Variants in NRN1 observed in about 807,000 individuals in gnomAD.
NRN1 encodes neuritin 1, also known as neuritin.
A neutral mutation model predicts 15.0 loss-of-function variants in NRN1; 4 were observed. That is an observed-to-expected ratio of 0.27 (90% confidence interval 0.13 to 0.61). NRN1 has a LOEUF of 0.61. Ranked by LOEUF, NRN1 falls within the 20% of genes least tolerant of loss-of-function variation. The pLI is 0.87. For missense variants in NRN1, 134 were observed against 181.9 expected (o/e 0.74, Z 1.51); for synonymous variants, 85 against 79.8 (o/e 1.07, Z -0.35).
Position 6,002,378 on chromosome 6 carries a change from TGTC to T in NRN1, c.172_174del (p.Asp58del), listed in dbSNP as rs747908682. ...GTGCACACGGTCTTGATGTTCGTCT[TGTC>T]GTCCAGGCCCTGCGGGTAGTTGGCC... On this transcript the variant is annotated inframe_deletion, in exon 2 of 3. Transcript: ENST00000244766. 6.2e-7 allele frequency: 1 copy of T among 1,614,222 alleles called. No homozygotes were observed. The highest frequency in any genetic ancestry group is 8.5e-7 in the Non-Finnish European group (1 of 1,180,032).
At chr6:6,003,122 C>G (rs1758005285) in intron 1 of NRN1, 1 of 1,069,194 alleles carries the variant, frequency 9.4e-7, no homozygotes, top group East Asian at 3.2e-5. Flanking sequence ...TGGAAGCCAC[C>G]AGCAGTTACC....
chr6:6,005,460 A>C (rs1001332783), intron 1 of NRN1, among the ~76,000 whole-genome samples: 8 of 152,358 alleles, frequency 5.3e-5, no homozygotes, highest in African/African-American at 1.9e-4. Flanking sequence ...CTGCATTATA[A>C]AATCTCAAAA....
rs768743224 is a variant in NRN1, at chr6:5,999,028, G to C, written c.377C>G (p.Pro126Arg). The change falls in exon 3 of 3, where the codon CCG becomes CGG. Residue 126 changes from proline (P) to arginine (R), a missense_variant. Transcript: ENST00000244766. ...TGCCGAGAGAGACACCAGGAGCACC[G>C]GGAACGCCGGGAGCAGGGACCCCGC... ...GAAGSLLPAF[P>R]VLLVSLSAAL... 4 of 1,613,532 alleles carry C rather than the reference G, an allele frequency of 2.5e-6. No homozygotes were observed. The South Asian group carries it at 3.3e-5, about 13-fold the overall frequency.
At chr6:6,004,218 T>C (rs1758045592) in intron 1 of NRN1, among the ~76,000 whole-genome samples, 1 of 152,196 alleles carries the variant, frequency 6.6e-6, no homozygotes, top group Non-Finnish European at 1.5e-5. Flanking sequence ...ACAGCGAACA[T>C]TAAATACCCT....
intron 2 of NRN1, 31 bp downstream of exon 2, chr6:6,002,322 C>A: frequency 6.2e-7 from 1 of 1,610,488 alleles, no homozygotes; most frequent in Non-Finnish European, 8.5e-7. Context: ...CCCCCAAAAC[C>A]GAAGTCCAGC....
In NRN1 at chr6:5,999,058, C is replaced by T; in HGVS notation, c.347G>A (p.Gly116Glu). The change falls in exon 3 of 3, where the codon GGG becomes GAG. Residue 116 changes from glycine (G) to glutamate (E), a missense_variant. Gly to Glu is a moderately conservative substitution (Grantham distance 98, BLOSUM62 -2). Transcript: ENST00000244766. ...SLFELCGSGN[G>E]AAGSLLPAFP... ...CGCCGGGAGCAGGGACCCCGCCGCC[C>T]CGTTGCCGCTGCCGCAGAGTTCGAA... 6.2e-7 allele frequency: 1 copy of T among 1,614,074 alleles called. No homozygotes were observed. The highest frequency in any genetic ancestry group is 8.5e-7 in the Non-Finnish European group (1 of 1,179,996).
chr6:5,998,181 C>T lies in NRN1; in HGVS notation c.*795G>A, dbSNP rs959995979. 5.3e-5 allele frequency: 8 copies of T among 152,120 alleles called. No homozygotes were observed. The East Asian group carries it at 1.4e-3, about 26-fold the overall frequency. 9.4% of individuals were successfully genotyped at this position (152,120 alleles called of 1,614,324 possible). ...TTAGATTAACATTTAACATCCCCCCCTTGTGATCTATACCGTTGGATATTC... is the reference window on the plus strand; with the variant it reads ...TTAGATTAACATTTAACATCCCCCCTTTGTGATCTATACCGTTGGATATTC... On this transcript the variant is annotated 3_prime_UTR_variant, in exon 3 of 3. Coordinates refer to ENST00000244766, the MANE Select transcript of NRN1 (RefSeq NM_016588.3).
At chr6:6,003,671 A>G in intron 1 of NRN1, 2 of 1,230,016 alleles carry the variant, frequency 1.6e-6, no homozygotes, top group Non-Finnish European at 2.0e-6. Flanking sequence ...GGACGGCCAA[A>G]CCCCGAGGCG....
In NRN1 at chr6:5,999,164, T is replaced by C. The variant is rs745583659; in HGVS notation, c.241A>G (p.Thr81Ala). ...DFHSCTVTAL[T>A]DCQEGAKDMW... ...TCTTTCGCCCCTTCCTGGCAATCCG[T>C]AAGGGCTGTGACCGTGCAGCTGTGG... The change falls in exon 3 of 3, where the codon ACG (threonine) becomes GCG (alanine). Residue 81 changes from threonine to alanine, a missense_variant. Thr to Ala is a moderately conservative substitution (Grantham distance 58). Coordinates refer to ENST00000244766, the MANE Select transcript of NRN1 (RefSeq NM_016588.3). The C allele has an allele frequency of 1.5e-5, 24 of 1,614,022 alleles. No homozygotes were observed. In the South Asian group the frequency reaches 2.4e-4, roughly 16 times the overall value.
intron 2 of NRN1, among the ~76,000 whole-genome samples, chr6:6,001,348 T>C (rs1436383421): frequency 6.6e-6 from 1 of 152,130 alleles, no homozygotes; most frequent in Non-Finnish European, 1.5e-5. Flanking sequence ...GAAACAGTTA[T>C]TTTGGGGGTG....
At position 6,002,979 on chromosome 6, in the gene NRN1, T is replaced by A; in HGVS notation, c.56-482A>T. 7.5e-6 allele frequency: 3 copies of A among 399,502 alleles called. No individual in the cohort carries two copies. The East Asian group carries it at 1.1e-4, about 14-fold the overall frequency. 24.7% of individuals were successfully genotyped at this position (399,502 alleles called of 1,614,324 possible). A position where few individuals can be genotyped will look rare whatever the true frequency, so the allele number is the denominator to read the frequency against. On this transcript the variant is annotated intron_variant, in intron 1 of 2. Coordinates refer to ENST00000244766, the MANE Select transcript of NRN1 (RefSeq NM_016588.3). ...GCAGCGTGCGGGGGCGAGAACGGGG[T>A]GGGGAGACGACAGGGCGTGGGGTCA...
intron 1 of NRN1, among the ~76,000 whole-genome samples, chr6:6,006,455 A>G (rs1047872906): frequency 3.9e-5 from 6 of 152,248 alleles, no homozygotes; most frequent in African/African-American, 1.4e-4. Flanking sequence ...GGGGAAAAAA[A>G]CCGTGTCCAG....
In NRN1 at chr6:5,999,119, T is replaced by C; in HGVS notation, c.286A>G (p.Lys96Glu). 6.2e-7 allele frequency: 1 copy of C among 1,614,186 alleles called. No individual in the cohort carries two copies. The highest frequency in any genetic ancestry group is 2.2e-5 in the East Asian group (1 of 44,878). The change falls in exon 3 of 3, where the codon AAA (lysine) becomes GAA (glutamate). Residue 96 changes from lysine (K) to glutamate (E), a missense_variant. By Grantham distance (56) the Lys-to-Glu change is moderately conservative (BLOSUM62 1). Coordinates refer to ENST00000244766, the MANE Select transcript of NRN1 (RefSeq NM_016588.3). ...GAKDMWDKLRKESKNLNIQGS... is the reference protein window; with the variant it reads ...GAKDMWDKLREESKNLNIQGS... ...TGGATGTTGAGGTTTTTGGATTCTT[T>C]TCTCAGTTTATCCCACATATCTTTC...
chr6:6,007,007 C>A, upstream of NRN1: 7 of 416,624 alleles, frequency 1.7e-5, no homozygotes, highest in East Asian at 4.0e-5. Flanking sequence ...TAGAAGGGGG[C>A]GGAGGAAGTA....
intron 1 of NRN1, chr6:6,003,267 G>A: frequency 8.1e-7 from 1 of 1,234,434 alleles, no homozygotes; most frequent in Non-Finnish European, 1.0e-6. Context: ...CGCGGATGAT[G>A]AGTGGTCTGG....
chr6:6,006,610 G>T lies in NRN1; in HGVS notation c.55+85C>A. 5.1e-6 allele frequency: 7 copies of T among 1,360,234 alleles called. No individual in the cohort carries two copies. In the South Asian group the frequency reaches 7.0e-5, roughly 14 times the overall value. The allele number at this position is 1,360,234 out of a possible 1,614,324, so 84.3% of individuals were successfully genotyped here. ...CTTCTCCGCACCCTGGGGCGGCCGC[G>T]GACCCGCTAGTCCCCCTCCGCGCCT... On this transcript the variant is annotated intron_variant, in intron 1 of 2. Coordinates refer to ENST00000244766, the MANE Select transcript of NRN1 (RefSeq NM_016588.3).
Position 6,006,646 on chromosome 6 carries a change from C to A in NRN1, c.55+49G>T, listed in dbSNP as rs75947511. 7.6e-6 allele frequency: 12 copies of A among 1,585,360 alleles called. No individual in the cohort carries two copies. In the East Asian group the frequency reaches 1.8e-4, roughly 24 times the overall value. On this transcript the variant is annotated intron_variant, in intron 1 of 2. Transcript: ENST00000244766. ...TCCCCCTCCGCGCCTCGGGCCGGGGCAGGCTGCCTCCCGCCTCCAGCCTCC... is the reference window on the plus strand; with the variant it reads ...TCCCCCTCCGCGCCTCGGGCCGGGGAAGGCTGCCTCCCGCCTCCAGCCTCC...
intron 2 of NRN1, 131 bp from the exon 3 acceptor site, chr6:5,999,335 C>T: frequency 1.4e-6 from 1 of 710,964 alleles, no homozygotes; most frequent in South Asian, 1.7e-5. Flanking sequence ...CCTACCTTCT[C>T]TTCACCGCCC....
chr6:6,004,131 T>C (rs529799615), intron 1 of NRN1: 2 of 770,828 alleles, frequency 2.6e-6, no homozygotes, highest in Non-Finnish European at 3.2e-6. Flanking sequence ...CGGGAAGCAC[T>C]GGGGAAGGGA....
Sources: gnomAD v4.1 joint callset for allele counts (sites outside exome capture counted in the v4.1 genomes callset) on GRCh38, gnomAD v4.1.1 for gene constraint, MANE v1.5 for transcripts, NCBI Gene and HGNC (gene_info 2026-07-23, HGNC 2026-07-21) for gene names.